The following EIF4B variants were observed in gnomAD, a reference collection of about 807,000 sequenced individuals.
EIF4B encodes eukaryotic translation initiation factor 4B.
EIF4B carries 8 observed loss-of-function variants against 79.3 expected under a neutral mutation model. That is an observed-to-expected ratio of 0.10 (90% confidence interval 0.06 to 0.18). The LOEUF (loss-of-function observed/expected upper bound fraction) is 0.18. EIF4B is among the 10% of genes least tolerant of loss of function. The probability of loss-of-function intolerance (pLI) is 1.00; values close to 1 mark genes in which losing one functional copy is unlikely to be tolerated. For synonymous variants in EIF4B, 238 were observed against 274.7 expected (o/e 0.87, Z 1.32); for missense variants, 515 against 792.4 (o/e 0.65, Z 4.20).
At chr12:53,040,070 A>G in intron 14 of EIF4B, 73 bp from the exon 15 acceptor site, 1 of 1,542,562 alleles carries the variant, frequency 6.5e-7, no homozygotes, top group South Asian at 1.1e-5. Flanking sequence ...CCAAAGGATC[A>G]GTATCCTGTG....
chr12:53,026,539 C>T (rs1943337628), intron 6 of EIF4B, among the ~76,000 whole-genome samples: 1 of 152,208 alleles, frequency 6.6e-6, no homozygotes, highest in Non-Finnish European at 1.5e-5. Context: ...GAAGGGTATA[C>T]ATGACTTCAA....
intron 14 of EIF4B, 129 bp from the exon 15 acceptor site, chr12:53,040,014 C>A: frequency 9.5e-7 from 1 of 1,048,682 alleles, no homozygotes; most frequent in Non-Finnish European, 1.4e-6. Context: ...ATGGACAATG[C>A]TGATGAGCAA....
chr12:53,028,081 A>G lies in EIF4B; in HGVS notation c.872A>G (p.Tyr291Cys), dbSNP rs935890607. 29 of 1,613,930 alleles carry G rather than the reference A, an allele frequency of 1.8e-5. No homozygotes were observed. The highest frequency in any genetic ancestry group is 2.5e-5 in the Non-Finnish European group (29 of 1,179,966). ...AGTGGGTATCGCAGGGATGATGACT[A>G]CAGAGGAGGCGGGGACCGCTATGAA... is the stretch of plus-strand genomic sequence containing the variant. The part of the protein sequence containing the change: ...FGSGYRRDDD[Y>C]RGGGDRYEDR... The change falls in exon 8 of 15, where the codon TAC (tyrosine) becomes TGC (cysteine). Residue 291 changes from tyrosine to cysteine, a missense_variant. Physicochemically the swap from Tyr to Cys is radical, Grantham distance 194. Transcript: ENST00000262056.
chr12:53,039,512 A>C (rs1565594250), intron 13 of EIF4B, 118 bp from the exon 14 acceptor site: 47 of 1,299,262 alleles, frequency 3.6e-5, no homozygotes, highest in Non-Finnish European at 4.7e-5. Flanking sequence ...CATCATCCAG[A>C]CAACAAGGAC....
chr12:53,010,036 C>G (rs895766669), intron 1 of EIF4B, among the ~76,000 whole-genome samples: 3 of 152,034 alleles, frequency 2.0e-5, no homozygotes, highest in Non-Finnish European at 4.4e-5. Context: ...TGCTATGGTC[C>G]TGATAGTGGG....
chr12:53,026,325 T>C (rs1476580888), intron 6 of EIF4B, among the ~76,000 whole-genome samples: 1 of 152,194 alleles, frequency 6.6e-6, no homozygotes, highest in South Asian at 2.1e-4. Context: ...AACATAACGC[T>C]ACCCACAGTT....
intron 10 of EIF4B, among the ~76,000 whole-genome samples, chr12:53,035,448 A>C (rs555048215): frequency 1.2e-4 from 18 of 151,198 alleles, no homozygotes; most frequent in Non-Finnish European, 2.1e-4. Flanking sequence ...GGCTTACTGC[A>C]AGTTCTGCCT....
At chr12:53,021,354 A>G (rs1943244766) in intron 4 of EIF4B, among the ~76,000 whole-genome samples, 1 of 152,160 alleles carries the variant, frequency 6.6e-6, no homozygotes, top group Non-Finnish European at 1.5e-5. Flanking sequence ...GCTGGATTTG[A>G]ACTCCTGGGC....
At position 53,033,838 on chromosome 12, in the gene EIF4B, C is replaced by T; in HGVS notation, c.1012C>T (p.Pro338Ser). 1 of 1,610,956 alleles carries T rather than the reference C, an allele frequency of 6.2e-7. No homozygotes were observed. The highest frequency in any genetic ancestry group is 8.5e-7 in the Non-Finnish European group (1 of 1,178,358). Reference protein sequence around the residue: ...PPQRPKLNLKPRSTPKEDDSS... With the variant: ...PPQRPKLNLKSRSTPKEDDSS... ...CCAAAGACCCAAACTGAATCTAAAG[C>T]CTCGGAGTACTCCTAAGGAAGATGA... The change falls in exon 9 of 15, where the codon CCT becomes TCT. Residue 338 changes from proline to serine, a missense_variant. This residue lies in a region of EIF4B where 187 missense variants were observed against 256.5 expected (regional missense o/e 0.73). Coordinates refer to ENST00000262056, the MANE Select transcript of EIF4B (RefSeq NM_001417.7).
At chr12:53,021,270 A>G (rs988653120) in intron 4 of EIF4B, among the ~76,000 whole-genome samples, 3 of 152,192 alleles carry the variant, frequency 2.0e-5, no homozygotes, top group Non-Finnish European at 2.9e-5. Context: ...GCTGGTACAT[A>G]GTAGTAGTAG....
chr12:53,021,718 C>T (rs750670461), intron 4 of EIF4B, 88 bp from the exon 5 acceptor site: 16 of 1,447,442 alleles, frequency 1.1e-5, no homozygotes, highest in Admixed American at 1.7e-5. Flanking sequence ...TCCCCTAGTG[C>T]TTCTGCTATG....
Position 53,006,462 on chromosome 12 carries a change from C to T in EIF4B, c.-22C>T. The T allele has an allele frequency of 2.5e-6, 4 of 1,613,178 alleles. No individual in the cohort carries two copies. The highest frequency in any genetic ancestry group is 1.1e-5 in the South Asian group (1 of 91,082). The stretch of plus-strand genomic sequence containing the variant: ...GTGATTGCCTCATCCGGGTCTTTTG[C>T]GTTCTCTTTCCCTCTCCCAACATGG... On this transcript the variant is annotated 5_prime_UTR_variant, in exon 1 of 15. Coordinates refer to ENST00000262056, the MANE Select transcript of EIF4B (RefSeq NM_001417.7).
intron 4 of EIF4B, 27 bp from the exon 5 acceptor site, chr12:53,021,779 T>G (rs903938414): frequency 1.1e-5 from 17 of 1,613,882 alleles, no homozygotes; most frequent in Non-Finnish European, 1.4e-5. Context: ...GGGCAAAAGG[T>G]TGGTTAATAT....
chr12:53,027,735 A>G (rs377015185), intron 6 of EIF4B, 47 bp from the exon 7 acceptor site: 3 of 1,587,148 alleles, frequency 1.9e-6, no homozygotes, highest in Non-Finnish European at 2.6e-6. Context: ...GTTTCTATTA[A>G]TGGTGTCAGA....
chr12:53,007,571 C>T (rs1272714418), intron 1 of EIF4B, among the ~76,000 whole-genome samples: 2 of 151,926 alleles, frequency 1.3e-5, no homozygotes, highest in East Asian at 1.9e-4. Flanking sequence ...AATTACATTT[C>T]TAATGGGCTT....
At chr12:53,007,212 A>G (rs1258912975) in intron 1 of EIF4B, among the ~76,000 whole-genome samples, 3 of 151,932 alleles carry the variant, frequency 2.0e-5, no homozygotes, top group Non-Finnish European at 4.4e-5. Flanking sequence ...GGTTGGTGCT[A>G]TTGGCGTTAG....
chr12:53,027,136 A>ATTTTTT lies in EIF4B; in HGVS notation c.668-646_668-645insTTTTTT, dbSNP rs777111413. Among the ~76,000 whole-genome samples the ATTTTTT allele has an allele frequency of 2.2e-3, 64 of 29,468 alleles. 7 individuals are homozygous for ATTTTTT. The highest frequency in any genetic ancestry group is 4.5e-3 in the Non-Finnish European group (37 of 8,216). 19.3% of individuals were successfully genotyped at this position (29,468 alleles called of 152,430 possible). Reference sequence around the variant, plus strand: ...GAGACTGTCTCTCAAAAAAAAAAAAAATTTTTTTTTTTTTTTTTTTTGAGA... The same window carrying ATTTTTT: ...GAGACTGTCTCTCAAAAAAAAAAAAATTTTTTATTTTTTTTTTTTTTTTTTTTGAGA... On this transcript the variant is annotated intron_variant, in intron 6 of 14. Coordinates refer to ENST00000262056, the MANE Select transcript of EIF4B (RefSeq NM_001417.7).
chr12:53,032,332 C>T (rs543168139), intron 8 of EIF4B, among the ~76,000 whole-genome samples: 6 of 152,240 alleles, frequency 3.9e-5, no homozygotes, highest in African/African-American at 1.4e-4. Flanking sequence ...CTCCCAGCTA[C>T]TGAGGAAGCT....
Position 53,033,893 on chromosome 12 carries a change from G to C in EIF4B, c.1067G>C (p.Arg356Pro). ...TCTGCTAGTACCTCCCAGTCCACTC[G>C]AGCTGCTTCTATCTTTGGAGGGGCA... is the stretch of plus-strand genomic sequence containing the variant. ...DSSASTSQST[R>P]AASIFGGAKP... The change falls in exon 9 of 15, where the codon CGA (arginine) becomes CCA (proline). Residue 356 changes from arginine (R) to proline (P), a missense_variant. Physicochemically the swap from Arg to Pro is moderately radical, Grantham distance 103. This residue lies in a region of EIF4B where 187 missense variants were observed against 256.5 expected (regional missense o/e 0.73). Transcript: ENST00000262056. The C allele has an allele frequency of 6.2e-7, 1 of 1,614,074 alleles. No individual in the cohort carries two copies.
Sources: gnomAD v4.1 joint callset for allele counts (sites outside exome capture counted in the v4.1 genomes callset) on GRCh38, gnomAD v4.1.1 for gene constraint, gnomAD v4.1.1 regional missense constraint, MANE v1.5 for transcripts, NCBI Gene and HGNC (gene_info 2026-07-23, HGNC 2026-07-21) for gene names.